CAMK1D: variants seen among roughly 807,000 people sequenced by gnomAD.
CAMK1D encodes the protein calcium/calmodulin-dependent protein kinase type 1D.
A neutral mutation model predicts 47.7 loss-of-function variants in CAMK1D; 9 were observed. That is an observed-to-expected ratio of 0.19 (90% CI 0.11 to 0.33). The LOEUF is 0.33. CAMK1D is among the 10% of genes least tolerant of loss of function. The pLI, the probability that CAMK1D is intolerant of heterozygous loss-of-function variation, is 1.00. For synonymous variants in CAMK1D, 184 were observed against 184.9 expected (o/e 0.99, Z 0.04); for missense variants, 291 against 488.7 (o/e 0.60, Z 3.81).
intron 2 of CAMK1D, among the ~76,000 whole-genome samples, chr10:12,622,620 C>T (rs907878965): frequency 9.2e-5 from 14 of 152,058 alleles, no homozygotes; most frequent in Non-Finnish European, 1.6e-4. Context: ...CAAGTGGAGG[C>T]AGACAGCTGG....
intron 1 of CAMK1D, among the ~76,000 whole-genome samples, chr10:12,369,506 G>A (rs1393268692): frequency 6.6e-6 from 1 of 152,146 alleles, no homozygotes; most frequent in Non-Finnish European, 1.5e-5. Flanking sequence ...ATCGGGATGG[G>A]GGCTCAGGGA....
Position 12,564,958 on chromosome 10 carries a change from C to G in CAMK1D, c.224+11602C>G, listed in dbSNP as rs2132299641. Among the ~76,000 whole-genome samples, 2 of 152,288 alleles carry G rather than the reference C, an allele frequency of 1.3e-5. 1 individual carries two copies. Among genetic ancestry groups the G allele is most frequent in the Middle Eastern group, 6.8e-3 (2 of 294 alleles). On this transcript the variant is annotated intron_variant, in intron 2 of 10. Coordinates refer to ENST00000619168, the MANE Select transcript of CAMK1D (RefSeq NM_153498.4). ...TCACAGTGTCTCATGCCTGTAGTCC[C>G]AGAACTTTGGGAGGCTGAGATAGAA... is the stretch of plus-strand genomic sequence containing the variant.
chr10:12,361,542 GC>G, intron 1 of CAMK1D, among the ~76,000 whole-genome samples: 8 of 113,922 alleles, frequency 7.0e-5, no homozygotes, highest in African/African-American at 2.3e-4. Context: ...ACTGTGCCTG[GC>G]CCTTTTTTTT....
chr10:12,429,520 A>G (rs7903990), intron 1 of CAMK1D, among the ~76,000 whole-genome samples: 112,160 of 151,802 alleles, frequency 0.74, 41,988 homozygotes, highest in Non-Finnish European at 0.81. Flanking sequence ...TTGTATTTTT[A>G]GTAGAGATGG....
chr10:12,491,103 C>T (rs569364283), intron 1 of CAMK1D, among the ~76,000 whole-genome samples: 18 of 152,086 alleles, frequency 1.2e-4, no homozygotes, highest in Non-Finnish European at 1.9e-4. Context: ...ATCACCTGGC[C>T]CCATGCACAC....
intron 3 of CAMK1D, among the ~76,000 whole-genome samples, chr10:12,725,084 G>A (rs1338769685): frequency 1.3e-5 from 2 of 152,166 alleles, no homozygotes; most frequent in African/African-American, 4.8e-5. Flanking sequence ...CTCCTTAGCC[G>A]TGTGGACTGG....
intron 1 of CAMK1D, among the ~76,000 whole-genome samples, chr10:12,390,563 A>G (rs987921562): frequency 2.0e-5 from 3 of 152,160 alleles, no homozygotes; most frequent in Admixed American, 6.5e-5. Flanking sequence ...TCCTACAACT[A>G]GTTGAGGGTA....
intron 3 of CAMK1D, among the ~76,000 whole-genome samples, chr10:12,682,286 G>A (rs868194995): frequency 6.6e-5 from 10 of 152,210 alleles, no homozygotes; most frequent in Admixed American, 6.5e-4. Flanking sequence ...CTTCTGGAAA[G>A]TGTCTTTGTG....
intron 1 of CAMK1D, among the ~76,000 whole-genome samples, chr10:12,517,348 A>T (rs1835243075): frequency 6.6e-6 from 1 of 152,202 alleles, no homozygotes; most frequent in South Asian, 2.1e-4. Flanking sequence ...ATCCTTTTCA[A>T]TCTGTATGCC....
intron 2 of CAMK1D, among the ~76,000 whole-genome samples, chr10:12,628,395 G>A (rs1839286074): frequency 1.3e-5 from 2 of 152,116 alleles, no homozygotes; most frequent in Admixed American, 1.3e-4. Context: ...ATGGCTCACT[G>A]TGTGTGTGTC....
chr10:12,668,630 G>A lies in CAMK1D; in HGVS notation c.299+1820G>A, dbSNP rs888476723. Among the ~76,000 whole-genome samples, 130 of 152,152 alleles carry A rather than the reference G, an allele frequency of 8.5e-4. 2 individuals are homozygous for A. Among genetic ancestry groups the A allele is most frequent in the Non-Finnish European group, 1.9e-4 (13 of 68,030 alleles). ...CAATATTAGGTCTTCAGTACACGTG[G>A]TTTCTCTATGGATATCTGTATCATT... is the stretch of plus-strand genomic sequence containing the variant. On this transcript the variant is annotated intron_variant, in intron 3 of 10. Coordinates refer to ENST00000619168, the MANE Select transcript of CAMK1D (RefSeq NM_153498.4).
At chr10:12,558,366 C>T (rs1294881106) in intron 2 of CAMK1D, among the ~76,000 whole-genome samples, 1 of 152,098 alleles carries the variant, frequency 6.6e-6, no homozygotes, top group Admixed American at 6.5e-5. Flanking sequence ...CCATCCTGGC[C>T]AAGGTGGTGA....
chr10:12,535,057 C>T (rs527977705), intron 1 of CAMK1D, among the ~76,000 whole-genome samples: 60 of 152,308 alleles, frequency 3.9e-4, no homozygotes, highest in South Asian at 6.2e-4. Flanking sequence ...GCCCTGGTGA[C>T]GTCAGGGTCC....
At chr10:12,764,674 G>GT (rs1836667505) in intron 4 of CAMK1D, among the ~76,000 whole-genome samples, 1 of 152,204 alleles carries the variant, frequency 6.6e-6, no homozygotes, top group South Asian at 2.1e-4. Context: ...TTATTGTTTA[G>GT]TGAAGGATAA....
intron 3 of CAMK1D, among the ~76,000 whole-genome samples, chr10:12,674,984 T>C (rs1238588221): frequency 7.4e-6 from 1 of 135,052 alleles, no homozygotes; most frequent in Non-Finnish European, 1.5e-5. Flanking sequence ...TAAGCTGAGA[T>C]CACACCACTG....
intron 4 of CAMK1D, among the ~76,000 whole-genome samples, chr10:12,762,385 C>T (rs2482057): frequency 0.99 from 151,251 of 152,352 alleles, 75,089 homozygotes; most frequent in Middle Eastern, 1. Context: ...CTGGCTATTA[C>T]CTGCTACTGG....
intron 1 of CAMK1D, among the ~76,000 whole-genome samples, chr10:12,460,555 C>T (rs1323906222): frequency 6.6e-6 from 1 of 152,140 alleles, no homozygotes; most frequent in Non-Finnish European, 1.5e-5. Flanking sequence ...GCCTCAGCCT[C>T]CTGAGTAGCT....
chr10:12,362,474 C>T (rs1158612791), intron 1 of CAMK1D, among the ~76,000 whole-genome samples: 1 of 147,864 alleles, frequency 6.8e-6, no homozygotes, highest in African/African-American at 2.5e-5. Flanking sequence ...TGCACATCCT[C>T]CCATGTACTT....
intron 3 of CAMK1D, among the ~76,000 whole-genome samples, chr10:12,747,101 G>A (rs61643569): frequency 0.13 from 19,672 of 151,868 alleles, 3,245 homozygotes; most frequent in African/African-American, 0.39. Context: ...GCACGATCTC[G>A]GCTCGCTGCA....
Sources: gnomAD v4.1 joint callset for allele counts (sites outside exome capture counted in the v4.1 genomes callset) on GRCh38, gnomAD v4.1.1 for gene constraint, MANE v1.5 for transcripts, NCBI Gene and HGNC (gene_info 2026-07-23, HGNC 2026-07-21) for gene names.